Variants in ARHGAP32 observed in about 807,000 individuals in gnomAD.
The protein encoded by ARHGAP32 is rho GTPase-activating protein 32.
Under a neutral mutation model 186.5 loss-of-function variants are expected in ARHGAP32, and 51 were observed. The observed-to-expected ratio is 0.27, with a 90% CI of 0.22 to 0.35. ARHGAP32 has a LOEUF of 0.35. Ranked by LOEUF, ARHGAP32 falls within the 10% of genes least tolerant of loss-of-function variation. The pLI is 1.00. For synonymous variants in ARHGAP32, 950 were observed against 964.3 expected (o/e 0.99, Z 0.27); for missense variants, 2,186 against 2,623.5 (o/e 0.83, Z 3.64).
chr11:129,211,229 T>A (rs1944578229), intron 1 of ARHGAP32, among the ~76,000 whole-genome samples: 1 of 152,208 alleles, frequency 6.6e-6, no homozygotes, highest in Non-Finnish European at 1.5e-5. Context: ...ATTGCTTTTA[T>A]TAGTGATCTG....
intron 1 of ARHGAP32, among the ~76,000 whole-genome samples, chr11:129,255,467 T>A (rs984715515): frequency 6.6e-6 from 1 of 151,966 alleles, no homozygotes; most frequent in Admixed American, 6.6e-5. Context: ...CTCTCAGACA[T>A]TAGAGTAGGC....
intron 5 of ARHGAP32, among the ~76,000 whole-genome samples, chr11:129,119,278 C>T (rs1350516934): frequency 6.6e-6 from 1 of 152,004 alleles, no homozygotes; most frequent in Admixed American, 6.6e-5. Flanking sequence ...CTACACCACA[C>T]CAGCACCTTT....
At chr11:129,166,315 T>C (rs939166900) in intron 1 of ARHGAP32, among the ~76,000 whole-genome samples, 10 of 152,032 alleles carry the variant, frequency 6.6e-5, no homozygotes, top group Admixed American at 2.6e-4. Context: ...AGATAATTTT[T>C]TAAAACAAGA....
At chr11:129,149,591 G>A (rs1475338765) in intron 2 of ARHGAP32, among the ~76,000 whole-genome samples, 1 of 152,152 alleles carries the variant, frequency 6.6e-6, no homozygotes, top group African/African-American at 2.4e-5. Flanking sequence ...AAGGGGGAGA[G>A]CACCACATCA....
chr11:128,975,085 T>A, intron 20 of ARHGAP32, 83 bp from the exon 21 acceptor site: 1 of 1,102,132 alleles, frequency 9.1e-7, no homozygotes, highest in Non-Finnish European at 1.3e-6. Context: ...AGCACAGCAG[T>A]AACTTACTAT....
chr11:129,218,657 G>A (rs1423484688), intron 1 of ARHGAP32, among the ~76,000 whole-genome samples: 1 of 152,166 alleles, frequency 6.6e-6, no homozygotes, highest in Non-Finnish European at 1.5e-5. Flanking sequence ...CAGAACGGGG[G>A]AAAGGAGCCT....
intron 5 of ARHGAP32, among the ~76,000 whole-genome samples, chr11:129,110,777 A>G (rs1942189762): frequency 6.6e-6 from 1 of 152,096 alleles, no homozygotes; most frequent in Non-Finnish European, 1.5e-5. Context: ...TTGTATGTTA[A>G]TTTTGTATCT....
At chr11:129,243,678 G>A (rs1945049937) in intron 1 of ARHGAP32, among the ~76,000 whole-genome samples, 1 of 151,970 alleles carries the variant, frequency 6.6e-6, no homozygotes, top group Non-Finnish European at 1.5e-5. Flanking sequence ...TCTCCTCCAA[G>A]TTACATCCCA....
At chr11:129,270,996 G>T (rs1282275309) in intron 1 of ARHGAP32, among the ~76,000 whole-genome samples, 1 of 152,180 alleles carries the variant, frequency 6.6e-6, no homozygotes, top group Non-Finnish European at 1.5e-5. Flanking sequence ...GACATCACCT[G>T]AGGGGAAAAT....
At chr11:129,087,584 T>A (rs1175016429) in intron 6 of ARHGAP32, among the ~76,000 whole-genome samples, 1 of 152,150 alleles carries the variant, frequency 6.6e-6, no homozygotes, top group Non-Finnish European at 1.5e-5. Flanking sequence ...TGTCAGGGGT[T>A]AGAGAAAAGG....
At chr11:129,231,303 A>C (rs1285350587) in intron 1 of ARHGAP32, among the ~76,000 whole-genome samples, 1 of 152,108 alleles carries the variant, frequency 6.6e-6, no homozygotes, top group Non-Finnish European at 1.5e-5. Context: ...TTGTTTTCTG[A>C]TTACAGATGA....
intron 1 of ARHGAP32, among the ~76,000 whole-genome samples, chr11:129,220,179 T>C (rs1387832889): frequency 3.3e-5 from 5 of 152,184 alleles, no homozygotes; most frequent in Non-Finnish European, 7.3e-5. Context: ...TAAACCAGAA[T>C]ATCATTAACT....
intron 1 of ARHGAP32, among the ~76,000 whole-genome samples, chr11:129,238,427 G>A (rs778755697): frequency 6.6e-6 from 1 of 152,020 alleles, no homozygotes; most frequent in Non-Finnish European, 1.5e-5. Flanking sequence ...TCTACCAATG[G>A]CCATTTACAA....
chr11:129,261,576 G>C (rs1945321120), intron 1 of ARHGAP32, among the ~76,000 whole-genome samples: 1 of 152,134 alleles, frequency 6.6e-6, no homozygotes, highest in African/African-American at 2.4e-5. Flanking sequence ...ATTTCGACTA[G>C]ACAGAAATGC....
chr11:129,172,308 T>C (rs1358734804), intron 1 of ARHGAP32, among the ~76,000 whole-genome samples: 1 of 152,206 alleles, frequency 6.6e-6, no homozygotes, highest in African/African-American at 2.4e-5. Flanking sequence ...TGTGGGTTTG[T>C]TATAAATAGC....
At chr11:129,173,017 G>A (rs1453699410) in intron 1 of ARHGAP32, among the ~76,000 whole-genome samples, 3 of 149,782 alleles carry the variant, frequency 2.0e-5, no homozygotes, top group African/African-American at 4.9e-5. Context: ...ACAAATCCAG[G>A]GGCTGTTTTT....
At chr11:129,029,801 CAAAAAAAAAAAA>C (rs34762356) in intron 11 of ARHGAP32, among the ~76,000 whole-genome samples, 3 of 46,948 alleles carry the variant, frequency 6.4e-5, no homozygotes, top group African/African-American at 2.2e-4. Context: ...GACTCCGTCT[CAAAAAAAAAAAA>C]AAAAAAAAAA....
chr11:129,094,114 T>C (rs1941663316), intron 5 of ARHGAP32, among the ~76,000 whole-genome samples: 1 of 152,036 alleles, frequency 6.6e-6, no homozygotes, highest in Admixed American at 6.6e-5. Flanking sequence ...GAGGTGGGGA[T>C]GGTTAATGGG....
At chr11:129,028,228 A>C (rs1449647055) in intron 11 of ARHGAP32, among the ~76,000 whole-genome samples, 1 of 152,236 alleles carries the variant, frequency 6.6e-6, no homozygotes, top group Non-Finnish European at 1.5e-5. Context: ...TTTTGAGAGA[A>C]ATGAATGTGA....
Sources: gnomAD v4.1 joint callset for allele counts (sites outside exome capture counted in the v4.1 genomes callset) on GRCh38, gnomAD v4.1.1 for gene constraint, MANE v1.5 for transcripts, NCBI Gene and HGNC (gene_info 2026-07-23, HGNC 2026-07-21) for gene names.